ESRRG: variants seen among roughly 807,000 people sequenced by gnomAD.
ESRRG encodes the protein estrogen-related receptor gamma.
ESRRG carries 13 observed loss-of-function variants against 44.0 expected under a neutral mutation model. The ratio of observed to expected loss-of-function variants is 0.30; its 90% CI spans 0.19 to 0.47. The LOEUF (loss-of-function observed/expected upper bound fraction) is 0.47, where lower values mean the gene tolerates loss of function less well. ESRRG is among the 20% of genes least tolerant of loss of function. The pLI is 1.00. For missense variants in ESRRG, 395 were observed against 580.6 expected (o/e 0.68, Z 3.29); for synonymous variants, 215 against 214.6 (o/e 1.00, Z -0.02).
intron 3 of ESRRG, among the ~76,000 whole-genome samples, chr1:216,578,065 C>T (rs1449175242): frequency 6.6e-6 from 1 of 151,766 alleles, no homozygotes; most frequent in African/African-American, 2.4e-5. Flanking sequence ...CTCTGGTGAT[C>T]ATTATAACTT....
chr1:216,663,264 A>G (rs1302499357), intron 2 of ESRRG, among the ~76,000 whole-genome samples: 2 of 152,172 alleles, frequency 1.3e-5, no homozygotes, highest in Admixed American at 1.3e-4. Context: ...CAGGGGAAAA[A>G]AAGTACACTT....
chr1:216,566,923 C>A lies in ESRRG; in HGVS notation c.700+1065G>T, dbSNP rs577282264. Among the ~76,000 whole-genome samples, 3 of 152,250 alleles carry A rather than the reference C, an allele frequency of 2.0e-5. No homozygotes were observed. The Middle Eastern group carries it at 0.01, about 518-fold the overall frequency. ...CTTTGACATAGCTAAAATGTCCTTT[C>A]ATTTACAGTTCAGGGTCTGTTTTAT... On this transcript the variant is annotated intron_variant, in intron 4 of 6. Coordinates refer to ENST00000408911, the MANE Select transcript of ESRRG (RefSeq NM_001438.4).
At chr1:216,916,753 CTCAT>C (rs1335234994) in intron 2 of ESRRG, among the ~76,000 whole-genome samples, 1 of 151,454 alleles carries the variant, frequency 6.6e-6, no homozygotes, top group Non-Finnish European at 1.5e-5. Context: ...TCACCCTCCT[CTCAT>C]GAGCAAACAC....
At chr1:216,565,819 C>G (rs906160626) in intron 4 of ESRRG, among the ~76,000 whole-genome samples, 2 of 152,058 alleles carry the variant, frequency 1.3e-5, no homozygotes, top group African/African-American at 4.8e-5. Context: ...TTGTATGCTA[C>G]AGAAACAACA....
At chr1:216,970,028 CCTT>C (rs1392673966) in intron 1 of ESRRG, among the ~76,000 whole-genome samples, 21 of 152,102 alleles carry the variant, frequency 1.4e-4, no homozygotes, top group Non-Finnish European at 2.9e-5. Flanking sequence ...AGAATCATCA[CCTT>C]CTTTATTTCA....
At chr1:216,769,520 T>C (rs2093285426) in intron 2 of ESRRG, among the ~76,000 whole-genome samples, 1 of 152,092 alleles carries the variant, frequency 6.6e-6, no homozygotes, top group Non-Finnish European at 1.5e-5. Flanking sequence ...CAGGTCTTGG[T>C]GAGCCATGGA....
In ESRRG at chr1:216,677,407, G is replaced by A. The variant is rs2151494312; in HGVS notation, c.141C>T (p.Ala47=). The A allele has an allele frequency of 1.2e-6, 2 of 1,614,180 alleles. No homozygotes were observed. The highest frequency in any genetic ancestry group is 1.3e-5 in the African/African-American group (1 of 75,048). The change falls in exon 2 of 7, where the codon GCC becomes GCT. Residue 47 remains alanine, a synonymous_variant. Coordinates refer to ENST00000408911, the MANE Select transcript of ESRRG (RefSeq NM_001438.4). ...SFIKTEPSSP[A]SLTDSVNHHS... is the part of the protein sequence containing the mutation. ...GGTGGTTGACGCTGTCCGTCAGGGAGGCTGGGCTGGAAGGTTCCGTCTTGA... is the reference window on the plus strand; with the variant it reads ...GGTGGTTGACGCTGTCCGTCAGGGAAGCTGGGCTGGAAGGTTCCGTCTTGA...
chr1:216,700,855 T>G (rs534612510), intron 1 of ESRRG, among the ~76,000 whole-genome samples: 1 of 152,026 alleles, frequency 6.6e-6, no homozygotes, highest in South Asian at 2.1e-4. Context: ...AACCAGTGAG[T>G]GGTTAGGTTT....
At chr1:216,950,113 C>A (rs532474978) in intron 1 of ESRRG, among the ~76,000 whole-genome samples, 1 of 152,288 alleles carries the variant, frequency 6.6e-6, no homozygotes, top group African/African-American at 2.4e-5. Flanking sequence ...ACACCCAGCC[C>A]TTACTTCTTT....
intron 3 of ESRRG, among the ~76,000 whole-genome samples, chr1:216,642,699 C>T (rs777950468): frequency 9.9e-5 from 15 of 152,036 alleles, no homozygotes; most frequent in African/African-American, 2.7e-4. Context: ...AAGCTTTCTC[C>T]GTTTCTTTGT....
rs147058980 is a variant in ESRRG at position 216,888,474 on chromosome 1, C to G, written c.-14+51108G>C. On this transcript the variant is annotated intron_variant, in intron 2 of 7. Coordinates refer to the ESRRG transcript ENST00000359162. ...ATTTTACACTTAGGCTTTATAATAACAAGCTTCAATAAACTATAGTGTTAA... is the reference window on the plus strand; with the variant it reads ...ATTTTACACTTAGGCTTTATAATAAGAAGCTTCAATAAACTATAGTGTTAA... Among the ~76,000 whole-genome samples the G allele has an allele frequency of 1.9e-3, 289 of 152,248 alleles. 1 individual carries two copies. The highest frequency in any genetic ancestry group is 3.4e-3 in the Non-Finnish European group (232 of 68,016).
intron 2 of ESRRG, among the ~76,000 whole-genome samples, chr1:216,842,114 A>G (rs893846520): frequency 1.3e-5 from 2 of 152,188 alleles, no homozygotes; most frequent in African/African-American, 4.8e-5. Context: ...AGAAAGACTA[A>G]AACAAAACAT....
intron 1 of ESRRG, among the ~76,000 whole-genome samples, chr1:217,135,550 TGGC>T (rs900707186): frequency 6.6e-6 from 1 of 150,870 alleles, no homozygotes; most frequent in Non-Finnish European, 1.5e-5. Context: ...GCGGCGGTGT[TGGC>T]GGCGGCGGCG....
chr1:216,787,281 C>T (rs2094159317), intron 2 of ESRRG, among the ~76,000 whole-genome samples: 1 of 151,924 alleles, frequency 6.6e-6, no homozygotes, highest in Admixed American at 6.6e-5. Context: ...TTCTCTGAGA[C>T]ACAACAATAT....
In ESRRG at chr1:216,752,337, C is replaced by T. The variant is rs148181388; in HGVS notation, c.-13-74846G>A. 2.0e-4 allele frequency among the ~76,000 whole-genome samples: 30 copies of T among 152,030 alleles called. No homozygotes were observed. The East Asian group carries it at 4.7e-3, about 24-fold the overall frequency. On this transcript the variant is annotated intron_variant, in intron 2 of 7. Coordinates refer to the ESRRG transcript ENST00000359162. ...TGAAAGGTTCTATCAATGGAAATTA[C>T]GGGTGCATGTGACAGGAGAGAATGA...
chr1:216,688,691 A>G (rs1407708443), intron 1 of ESRRG, among the ~76,000 whole-genome samples: 1 of 152,104 alleles, frequency 6.6e-6, no homozygotes, highest in African/African-American at 2.4e-5. Flanking sequence ...AATTGTTCAT[A>G]TTTGGGGTAA....
At chr1:216,991,635 ATGGGATG>A (rs2075724328) in intron 1 of ESRRG, among the ~76,000 whole-genome samples, 1 of 92,084 alleles carries the variant, frequency 1.1e-5, no homozygotes, top group East Asian at 3.3e-4. Flanking sequence ...ATGGGATGGG[ATGGGATG>A]GGATGGGATG....
intron 1 of ESRRG, among the ~76,000 whole-genome samples, chr1:216,700,135 T>TC: frequency 6.6e-6 from 1 of 151,406 alleles, no homozygotes; most frequent in African/African-American, 2.4e-5. Flanking sequence ...TTTTTTTTTT[T>TC]AACCTCACTA....
chr1:216,972,917 G>A (rs1269773969), intron 1 of ESRRG, among the ~76,000 whole-genome samples: 1 of 152,196 alleles, frequency 6.6e-6, no homozygotes, highest in East Asian at 1.9e-4. Flanking sequence ...ATGGGAGTCT[G>A]TGATTTGAAG....
Sources: gnomAD v4.1 joint callset for allele counts (sites outside exome capture counted in the v4.1 genomes callset) on GRCh38, gnomAD v4.1.1 for gene constraint, MANE v1.5 for transcripts, NCBI Gene and HGNC (gene_info 2026-07-23, HGNC 2026-07-21) for gene names.